Variants in WWP2 observed in about 807,000 individuals in gnomAD.
WWP2 encodes NEDD4-like E3 ubiquitin-protein ligase WWP2.
WWP2 carries 57 observed loss-of-function variants against 121.0 expected under a neutral mutation model. The observed-to-expected ratio is 0.47, with a 90% confidence interval of 0.38 to 0.59. WWP2 has a LOEUF of 0.59. WWP2 is among the 20% of genes least tolerant of loss of function. The pLI is 0.00. For synonymous variants in WWP2, 449 were observed against 441.3 expected (o/e 1.02, Z -0.22); for missense variants, 962 against 1,158.9 (o/e 0.83, Z 2.47).
At chr16:69,874,234 G>A (rs1182373273) in intron 7 of WWP2, among the ~76,000 whole-genome samples, 1 of 152,200 alleles carries the variant, frequency 6.6e-6, no homozygotes, top group Non-Finnish European at 1.5e-5. Flanking sequence ...TCTGCCCCAA[G>A]GGTACAGAAC....
chr16:69,765,684 C>G (rs2038712308), intron 1 of WWP2, among the ~76,000 whole-genome samples: 1 of 152,132 alleles, frequency 6.6e-6, no homozygotes, highest in Admixed American at 6.6e-5. Context: ...ATTAGCTGGG[C>G]TTGTTGGCAC....
chr16:69,775,130 A>G (rs919565029), intron 1 of WWP2: 1 of 152,308 alleles, frequency 6.6e-6, no homozygotes. Context: ...CAAAAGGGGT[A>G]TGATTGACTG....
In WWP2 at chr16:69,785,713, A is replaced by G. The variant is rs59524086; in HGVS notation, c.-15-1283A>G. On this transcript the variant is annotated intron_variant, in intron 1 of 23. Coordinates refer to ENST00000359154, the MANE Select transcript of WWP2 (RefSeq NM_001270454.2). ...ACAGTCTCGGCCCACTGCAACCTCCACTTCCCGAGTTCAAGCGATTCTCCT... is the reference window on the plus strand; with the variant it reads ...ACAGTCTCGGCCCACTGCAACCTCCGCTTCCCGAGTTCAAGCGATTCTCCT... Among the ~76,000 whole-genome samples the G allele has an allele frequency of 2.6e-3, 376 of 145,900 alleles. 3 individuals carry two copies. The highest frequency in any genetic ancestry group is 8.9e-3 in the African/African-American group (350 of 39,214).
intron 6 of WWP2, among the ~76,000 whole-genome samples, chr16:69,846,067 A>AAAAAAAAAAAAAAAAAAAAAAAAAAAAAC (rs2057072223): frequency 6.7e-6 from 1 of 150,054 alleles, no homozygotes. Flanking sequence ...AAAAAAAAAA[A>AAAAAAAAAAAAAAAAAAAAAAAAAAAAAC]AAAGAATACT....
chr16:69,939,193 G>A (rs2058843281), intron 22 of WWP2, 70 bp downstream of exon 22: 1 of 1,559,336 alleles, frequency 6.4e-7, no homozygotes, highest in Non-Finnish European at 8.7e-7. Context: ...GGGAAACCTA[G>A]TCTCTTCCTG....
intron 5 of WWP2, among the ~76,000 whole-genome samples, chr16:69,841,443 A>G (rs975791142): frequency 7.2e-5 from 11 of 152,234 alleles, no homozygotes; most frequent in Middle Eastern, 3.4e-3. Flanking sequence ...GTGGGAACAG[A>G]GGCAGTCAGC....
chr16:69,839,908 GAA>G (rs1204500806), intron 4 of WWP2, among the ~76,000 whole-genome samples: 2 of 152,238 alleles, frequency 1.3e-5, no homozygotes, highest in African/African-American at 4.8e-5. Flanking sequence ...GAAATGTTTA[GAA>G]AGAGTGCAGC....
chr16:69,791,428 G>A (rs758253819), intron 2 of WWP2, among the ~76,000 whole-genome samples: 16 of 151,896 alleles, frequency 1.1e-4, no homozygotes, highest in East Asian at 1.9e-4. Flanking sequence ...GGGTTTCACC[G>A]TATTGGTCAG....
intron 13 of WWP2, 95 bp downstream of exon 13, chr16:69,930,353 G>A: frequency 6.4e-7 from 1 of 1,553,976 alleles, no homozygotes; most frequent in Non-Finnish European, 8.7e-7. Flanking sequence ...TGGCCCCTGT[G>A]GTGCGTTCTA....
chr16:69,879,343 A>G (rs2057785536), intron 7 of WWP2, among the ~76,000 whole-genome samples: 1 of 152,050 alleles, frequency 6.6e-6, no homozygotes, highest in Non-Finnish European at 1.5e-5. Context: ...ATCATCCCAA[A>G]CGGATTCTCT....
intron 4 of WWP2, among the ~76,000 whole-genome samples, chr16:69,815,182 T>C (rs1269521921): frequency 2.6e-5 from 4 of 152,174 alleles, no homozygotes; most frequent in South Asian, 4.2e-4. Context: ...TTTGTATTTT[T>C]AGTAGAGACA....
At chr16:69,883,198 A>T (rs977777395) in intron 7 of WWP2, among the ~76,000 whole-genome samples, 3 of 152,048 alleles carry the variant, frequency 2.0e-5, no homozygotes, top group Non-Finnish European at 4.4e-5. Flanking sequence ...GGCATGATGG[A>T]CTTGTAACTC....
At chr16:69,866,846 A>G (rs1031619661) in intron 6 of WWP2, among the ~76,000 whole-genome samples, 10 of 129,770 alleles carry the variant, frequency 7.7e-5, no homozygotes, top group African/African-American at 2.2e-4. Context: ...TTATTTATTT[A>G]TTTATTTTTG....
intron 1 of WWP2, among the ~76,000 whole-genome samples, chr16:69,784,556 T>G (rs1263910488): frequency 6.6e-6 from 1 of 152,164 alleles, no homozygotes; most frequent in Non-Finnish European, 1.5e-5. Flanking sequence ...ACTCTCAGTA[T>G]AAAGAAAAGA....
At chr16:69,858,128 A>AT (rs899468432) in intron 6 of WWP2, among the ~76,000 whole-genome samples, 7 of 151,978 alleles carry the variant, frequency 4.6e-5, no homozygotes, top group Non-Finnish European at 8.8e-5. Flanking sequence ...AAAAAAAAAA[A>AT]GTTTTCTTTT....
chr16:69,763,733 C>A (rs1277921771), intron 1 of WWP2, among the ~76,000 whole-genome samples: 4 of 152,206 alleles, frequency 2.6e-5, no homozygotes, highest in Non-Finnish European at 5.9e-5. Flanking sequence ...GCAAATCCTT[C>A]AAGGGCAGGT....
chr16:69,803,888 A>C (rs2056223400), intron 4 of WWP2, among the ~76,000 whole-genome samples: 1 of 152,186 alleles, frequency 6.6e-6, no homozygotes, highest in Non-Finnish European at 1.5e-5. Flanking sequence ...AGCCTGGATG[A>C]CAGAGCAAGA....
chr16:69,921,286 A>G (rs1038452327), intron 10 of WWP2, among the ~76,000 whole-genome samples: 2 of 152,108 alleles, frequency 1.3e-5, no homozygotes, highest in African/African-American at 4.8e-5. Flanking sequence ...GGTTGCTTTC[A>G]TATAGTTATT....
At chr16:69,795,291 CACAT>C (rs1301731597) in intron 2 of WWP2, among the ~76,000 whole-genome samples, 4 of 151,518 alleles carry the variant, frequency 2.6e-5, no homozygotes, top group South Asian at 2.1e-4. Context: ...CACACACACA[CACAT>C]ACACAGAGAC....
Sources: gnomAD v4.1 joint callset for allele counts (sites outside exome capture counted in the v4.1 genomes callset) on GRCh38, gnomAD v4.1.1 for gene constraint, MANE v1.5 for transcripts, NCBI Gene and HGNC (gene_info 2026-07-23, HGNC 2026-07-21) for gene names.